UGT1A6: variants seen among roughly 807,000 people sequenced by gnomAD.
UGT1A6 encodes UDP-glucuronosyltransferase 1A6.
UGT1A6 carries 32 observed loss-of-function variants against 44.4 expected under a neutral mutation model. That is an observed-to-expected ratio of 0.72 (90% confidence interval 0.54 to 0.97). The LOEUF (loss-of-function observed/expected upper bound fraction) is 0.97. Ranked by LOEUF, UGT1A6 falls within the 50% of genes least tolerant of loss-of-function variation. The probability of loss-of-function intolerance (pLI) is 0.00; values close to 1 mark genes in which losing one functional copy is unlikely to be tolerated. For synonymous variants in UGT1A6, 238 were observed against 248.5 expected (o/e 0.96, Z 0.40); for missense variants, 685 against 661.9 (o/e 1.03, Z -0.38).
At chr2:233,695,862 A>G (rs1251510641) in intron 1 of UGT1A6, among the ~76,000 whole-genome samples, 2 of 152,224 alleles carry the variant, frequency 1.3e-5, no homozygotes, top group East Asian at 3.8e-4. Context: ...CTCACTCAAC[A>G]ACAAACAACG....
intron 1 of UGT1A6, among the ~76,000 whole-genome samples, chr2:233,727,196 C>T (rs77179634): frequency 0.034 from 5,111 of 152,210 alleles, 99 homozygotes; most frequent in African/African-American, 0.05. Flanking sequence ...CTGGGGTGAC[C>T]TCACTGACAC....
intron 1 of UGT1A6, chr2:233,755,332 C>T (rs556124321): frequency 8.7e-6 from 4 of 459,716 alleles, no homozygotes; most frequent in South Asian, 5.8e-5. Flanking sequence ...CCAGCACCCG[C>T]GCACAGGTCA....
intron 1 of UGT1A6, among the ~76,000 whole-genome samples, chr2:233,726,233 C>G (rs536787138): frequency 6.6e-6 from 1 of 152,166 alleles, no homozygotes; most frequent in Non-Finnish European, 1.5e-5. Flanking sequence ...TTTTTTAAAA[C>G]TCCAATATGA....
At chr2:233,731,444 C>T (rs1406518964) in intron 1 of UGT1A6, among the ~76,000 whole-genome samples, 1 of 152,126 alleles carries the variant, frequency 6.6e-6, no homozygotes, top group Non-Finnish European at 1.5e-5. Flanking sequence ...CAGTCCCCCA[C>T]CCCACAACAG....
At chr2:233,765,991 C>G (rs939830697) in intron 1 of UGT1A6, among the ~76,000 whole-genome samples, 2 of 152,166 alleles carry the variant, frequency 1.3e-5, no homozygotes, top group Middle Eastern at 3.4e-3. Flanking sequence ...TCCTGAAGCT[C>G]CAGTGGGCGT....
Position 233,772,391 on chromosome 2 carries a change from C to T in UGT1A6, c.1431C>T (p.Ala477=), listed in dbSNP as rs1559420304. 6.2e-7 allele frequency: 1 copy of T among 1,614,114 alleles called. No individual in the cohort carries two copies. Among genetic ancestry groups the T allele is most frequent in the Non-Finnish European group, 8.5e-7 (1 of 1,180,052 alleles). The change falls in exon 5 of 5, where the codon GCC becomes GCT. Residue 477 remains alanine (A), a synonymous_variant. Coordinates refer to ENST00000305139, the MANE Select transcript of UGT1A6 (RefSeq NM_001072.4). ...HKGAPHLRPA[A]HDLTWYQYHS... is the part of the protein sequence containing the mutation. ...GCGCGCCACACCTGCGCCCCGCAGCCCACGACCTCACCTGGTACCAGTACC... is the reference window on the plus strand; with the variant it reads ...GCGCGCCACACCTGCGCCCCGCAGCTCACGACCTCACCTGGTACCAGTACC...
intron 1 of UGT1A6, among the ~76,000 whole-genome samples, chr2:233,749,734 G>A (rs1231776352): frequency 4.0e-5 from 6 of 151,850 alleles, no homozygotes; most frequent in African/African-American, 1.5e-4. Flanking sequence ...GCACCTGCTG[G>A]TCTCATCATA....
At chr2:233,694,301 T>C (rs1426989615) in intron 1 of UGT1A6, among the ~76,000 whole-genome samples, 1 of 151,106 alleles carries the variant, frequency 6.6e-6, no homozygotes, top group East Asian at 1.9e-4. Context: ...AGGCCTGTTT[T>C]TTGTTTTTTT....
intron 1 of UGT1A6, among the ~76,000 whole-genome samples, chr2:233,702,447 T>C (rs1325410425): frequency 1.3e-5 from 2 of 152,174 alleles, no homozygotes; most frequent in African/African-American, 4.8e-5. Flanking sequence ...AAGGATAACA[T>C]TTATTTCTTT....
At chr2:233,760,982 C>T (rs147640261) in intron 1 of UGT1A6, 5 of 1,614,220 alleles carry the variant, frequency 3.1e-6, no homozygotes, top group Non-Finnish European at 4.2e-6. Flanking sequence ...CCGTATGCAA[C>T]CCTTGCCTCA....
At position 233,757,547 on chromosome 2, in the gene UGT1A6, T is replaced by TAC. The variant is rs1452370067; in HGVS notation, c.862-9486_862-9485insCA. Among the ~76,000 whole-genome samples, 65 of 133,940 alleles carry TAC rather than the reference T, an allele frequency of 4.9e-4. 6 individuals carry two copies. The highest frequency in any genetic ancestry group is 6.5e-4 in the Admixed American group (9 of 13,854). The allele number at this position is 133,940 out of a possible 152,430, so 87.9% of individuals were successfully genotyped here. On this transcript the variant is annotated intron_variant, in intron 1 of 4. Coordinates refer to ENST00000305139, the MANE Select transcript of UGT1A6 (RefSeq NM_001072.4). Reference sequence around the variant, plus strand: ...CTTGCCTGTAAGGAATATATATATATATATATATATATATGTATATATGAT... The same window carrying TAC: ...CTTGCCTGTAAGGAATATATATATATACATATATATATATATGTATATATGAT...
chr2:233,736,376 CT>C (rs2078756074), intron 1 of UGT1A6, among the ~76,000 whole-genome samples: 1 of 152,200 alleles, frequency 6.6e-6, no homozygotes, highest in Non-Finnish European at 1.5e-5. Context: ...CATTTAAGGT[CT>C]TCTCTACAGT....
At chr2:233,733,899 C>G (rs563890237) in intron 1 of UGT1A6, among the ~76,000 whole-genome samples, 41 of 152,048 alleles carry the variant, frequency 2.7e-4, no homozygotes, top group African/African-American at 9.9e-4. Flanking sequence ...CCTGTTTGTA[C>G]CTCTCTGGTA....
At position 233,693,715 on chromosome 2, in the gene UGT1A6, C is replaced by T; in HGVS notation, c.711C>T (p.Leu237=). ...SKYEELASAV[L]KRDVDIITLY... Reference sequence around the variant, plus strand: ...ATGAAGAACTCGCATCAGCTGTCCTCAAGAGAGATGTGGATATAATCACCT... The same window carrying T: ...ATGAAGAACTCGCATCAGCTGTCCTTAAGAGAGATGTGGATATAATCACCT... Residue 237 remains leucine, a synonymous_variant, in exon 1 of 5, where the codon CTC becomes CTT. Transcript: ENST00000305139. 6.2e-7 allele frequency: 1 copy of T among 1,614,182 alleles called. No individual in the cohort carries two copies. Among genetic ancestry groups the T allele is most frequent in the Non-Finnish European group, 8.5e-7 (1 of 1,180,038 alleles).
chr2:233,759,342 C>T (rs1337999825), intron 1 of UGT1A6, among the ~76,000 whole-genome samples: 5 of 152,112 alleles, frequency 3.3e-5, no homozygotes, highest in African/African-American at 9.7e-5. Flanking sequence ...TTCAGGTGAG[C>T]GCTGAAAATC....
Position 233,769,243 on chromosome 2 carries a change from CA to C in UGT1A6, c.1301+807del. Among the ~76,000 whole-genome samples the C allele has an allele frequency of 6.6e-6, 1 of 152,264 alleles. No homozygotes were observed. The highest frequency in any genetic ancestry group is 1.9e-4 in the East Asian group (1 of 5,180). ...GAATAAGAGCAAAGGAAAATTTGCT[CA>C]AATGTGGCCCTGAAAACGATTCAAA... On this transcript the variant is annotated intron_variant, in intron 4 of 4. Coordinates refer to ENST00000305139, the MANE Select transcript of UGT1A6 (RefSeq NM_001072.4). The surrounding 1 kb of genome is among the most constrained non-coding windows in gnomAD (Gnocchi z 4.4).
chr2:233,770,833 T>C (rs1328938186), intron 4 of UGT1A6: 1 of 152,206 alleles, frequency 6.6e-6, no homozygotes, highest in Non-Finnish European at 1.5e-5. Context: ...TGCATTGCTG[T>C]AAAGAAATAC....
chr2:233,743,212 C>A, intron 1 of UGT1A6: 1 of 401,146 alleles, frequency 2.5e-6, no homozygotes, highest in Admixed American at 3.1e-5. Context: ...TGCGGAGTAA[C>A]TGCTCTTTGC....
chr2:233,760,995 A>G (rs777512835), intron 1 of UGT1A6: 2 of 1,614,138 alleles, frequency 1.2e-6, no homozygotes, highest in Non-Finnish European at 1.7e-6. Context: ...TTGCCTCAGA[A>G]TTCCTTCAGA....
Sources: allele counts gnomAD v4.1 joint callset (sites outside exome capture counted in the v4.1 genomes callset), GRCh38; gene constraint gnomAD v4.1.1; non-coding constraint Gnocchi (gnomAD v3.1); transcripts MANE v1.5; gene names NCBI Gene and HGNC (gene_info 2026-07-23, HGNC 2026-07-21).